Variants in KCNQ1 observed in about 807,000 individuals in gnomAD.
The protein encoded by KCNQ1 is potassium voltage-gated channel subfamily Q member 1.
Under a neutral mutation model 72.4 loss-of-function variants are expected in KCNQ1, and 49 were observed. That is an observed-to-expected ratio of 0.68 (90% CI 0.54 to 0.86). The LOEUF is 0.86. Among genes scored for constraint, KCNQ1 ranks in the 40% least tolerant of loss-of-function variants. KCNQ1 has a pLI of 0.00. For synonymous variants in KCNQ1, 450 were observed against 412.6 expected (o/e 1.09, Z -1.10); for missense variants, 790 against 945.1 (o/e 0.84, Z 2.15).
rs146145038 is a variant in KCNQ1 at position 2,543,231 on chromosome 11, A to G, written c.477+15213A>G. On this transcript the variant is annotated intron_variant, in intron 2 of 15. Coordinates refer to ENST00000155840, the MANE Select transcript of KCNQ1 (RefSeq NM_000218.3). The surrounding 1 kb of genome is among the most constrained non-coding windows in gnomAD (Gnocchi z 5.6). ...GGTTACATAGATATTTGTTTTACAC[A>G]TGTATTCTCTAGTCGGTGGCTTTCC... Among the ~76,000 whole-genome samples, 197 of 152,094 alleles carry G rather than the reference A, an allele frequency of 1.3e-3. 1 individual carries two copies. In the East Asian group the frequency reaches 0.031, roughly 24 times the overall value.
At chr11:2,532,655 C>T (rs1847660573) in intron 2 of KCNQ1, among the ~76,000 whole-genome samples, 1 of 152,116 alleles carries the variant, frequency 6.6e-6, no homozygotes, top group Non-Finnish European at 1.5e-5. Flanking sequence ...GTGGGAGGGG[C>T]ACAGTGAGAA....
At chr11:2,591,361 A>T (rs1848667990) in intron 10 of KCNQ1, among the ~76,000 whole-genome samples, 1 of 152,186 alleles carries the variant, frequency 6.6e-6, no homozygotes, top group African/African-American at 2.4e-5. Context: ...GCTCCCCAGG[A>T]CTTAGATGCC....
intron 2 of KCNQ1, among the ~76,000 whole-genome samples, chr11:2,532,278 G>A (rs111384531): frequency 1.2e-3 from 182 of 152,318 alleles, no homozygotes; most frequent in African/African-American, 4.1e-3. Context: ...CTTCCTGGCC[G>A]TGCATGTCCC....
In KCNQ1 at chr11:2,468,098, C is replaced by T. The variant is rs902326343; in HGVS notation, c.386+22614C>T. Among the ~76,000 whole-genome samples, 1 of 152,270 alleles carries T rather than the reference C, an allele frequency of 6.6e-6. No individual in the cohort carries two copies. Among genetic ancestry groups the T allele is most frequent in the South Asian group, 2.1e-4 (1 of 4,834 alleles). On this transcript the variant is annotated intron_variant, in intron 1 of 15. Coordinates refer to ENST00000155840, the MANE Select transcript of KCNQ1 (RefSeq NM_000218.3). This position sits in a 1 kb window ranked among gnomAD's most constrained non-coding sequence, Gnocchi z 5.7. ...AGACTGTGCCCGGAAAATGCACTGT[C>T]TCTCCTGGGCTCCCAACCTTTCACA...
chr11:2,676,184 T>C lies in KCNQ1; in HGVS notation c.1514+14103T>C, dbSNP rs1850291035. 1.8e-5 allele frequency: 7 copies of C among 398,562 alleles called. 1 individual carries two copies. Among genetic ancestry groups the C allele is most frequent in the South Asian group, 1.3e-4 (1 of 7,866 alleles). The allele number at this position is 398,562 out of a possible 1,614,324, so 24.7% of individuals were successfully genotyped here. A position where few individuals can be genotyped will look rare whatever the true frequency, so the allele number is the denominator to read the frequency against. ...TACACTTTGCCTTTGACTTCTTCCA[T>C]AGGTATGCCATACTTCTTTTTGAGC... On this transcript the variant is annotated intron_variant, in intron 11 of 15. Coordinates refer to ENST00000155840, the MANE Select transcript of KCNQ1 (RefSeq NM_000218.3). The surrounding 1 kb of genome is among the most constrained non-coding windows in gnomAD (Gnocchi z 4.2).
chr11:2,730,181 G>A (rs891946636), intron 11 of KCNQ1, among the ~76,000 whole-genome samples: 2 of 152,240 alleles, frequency 1.3e-5, no homozygotes, highest in African/African-American at 4.8e-5. Flanking sequence ...CCAGGAGGGA[G>A]GCCACTGCAC....
chr11:2,730,084 C>T (rs995510403), intron 11 of KCNQ1, among the ~76,000 whole-genome samples: 8 of 151,992 alleles, frequency 5.3e-5, no homozygotes, highest in African/African-American at 1.7e-4. Flanking sequence ...GCCCCGAGTG[C>T]GGTGTGGTTG....
rs954543125 is a variant in KCNQ1 at position 2,602,514 on chromosome 11, G to T, written c.1393+13660G>T. On this transcript the variant is annotated intron_variant, in intron 10 of 15. Transcript: ENST00000155840. This position sits in a 1 kb window ranked among gnomAD's most constrained non-coding sequence, Gnocchi z 4.8. ...ACCAAACTGATTTTCCAGAGTGACT[G>T]CACCATTTCACATTCCCCATTCCTG... Among the ~76,000 whole-genome samples the T allele has an allele frequency of 6.6e-6, 1 of 152,216 alleles. No individual in the cohort carries two copies.
chr11:2,761,615 T>G (rs1369161804), intron 11 of KCNQ1, among the ~76,000 whole-genome samples: 1 of 152,198 alleles, frequency 6.6e-6, no homozygotes, highest in African/African-American at 2.4e-5. Flanking sequence ...GAAAGGCCAC[T>G]TGGCCCCATC....
At position 2,647,947 on chromosome 11, in the gene KCNQ1, C is replaced by T. The variant is rs1849691498; in HGVS notation, c.1394-14014C>T. On this transcript the variant is annotated intron_variant, in intron 10 of 15. Coordinates refer to ENST00000155840, the MANE Select transcript of KCNQ1 (RefSeq NM_000218.3). This position sits in a 1 kb window ranked among gnomAD's most constrained non-coding sequence, Gnocchi z 4.0. ...TCAGTTTTTTGGCTGGGTTTGTTGG[C>T]TCACACCTGTAAACCCAGTACTTTG... 7 of 397,946 alleles carry T rather than the reference C, an allele frequency of 1.8e-5. No individual in the cohort carries two copies. The highest frequency in any genetic ancestry group is 1.3e-4 in the South Asian group (1 of 7,752). 24.7% of individuals were successfully genotyped at this position (397,946 alleles called of 1,614,324 possible).
intron 6 of KCNQ1, among the ~76,000 whole-genome samples, chr11:2,575,296 C>T (rs1399978859): frequency 2.6e-5 from 4 of 152,182 alleles, no homozygotes; most frequent in Admixed American, 1.3e-4. Flanking sequence ...AGCTGCAGCC[C>T]GAGCCTCGGC....
At chr11:2,792,337 A>G (rs1452025146) in intron 15 of KCNQ1, among the ~76,000 whole-genome samples, 2 of 152,230 alleles carry the variant, frequency 1.3e-5, no homozygotes, top group Non-Finnish European at 1.5e-5. Flanking sequence ...CAGTGTGTGG[A>G]CCAGGCAGGA....
rs1023654199 is a variant in KCNQ1 at position 2,479,447 on chromosome 11, C to G, written c.386+33963C>G. 4.6e-5 allele frequency among the ~76,000 whole-genome samples: 7 copies of G among 152,264 alleles called. No individual in the cohort carries two copies. Among genetic ancestry groups the G allele is most frequent in the Non-Finnish European group, 5.9e-5 (4 of 68,050 alleles). ...TCAATTCTTGACTTCTGTGCACCCACAGGCTCAACACCACATGGAAGCTAC... is the reference window on the plus strand; with the variant it reads ...TCAATTCTTGACTTCTGTGCACCCAGAGGCTCAACACCACATGGAAGCTAC... On this transcript the variant is annotated intron_variant, in intron 1 of 15. Transcript: ENST00000155840. The surrounding 1 kb of genome is among the most constrained non-coding windows in gnomAD (Gnocchi z 4.6).
At chr11:2,503,656 A>G (rs537275636) in intron 1 of KCNQ1, among the ~76,000 whole-genome samples, 2 of 152,250 alleles carry the variant, frequency 1.3e-5, no homozygotes, top group Non-Finnish European at 1.5e-5. Context: ...AAACCTGCAC[A>G]TTGTGCACAT....
In KCNQ1 at chr11:2,670,939, A is replaced by G. The variant is rs1850172157; in HGVS notation, c.1514+8858A>G. 1.8e-5 allele frequency: 7 copies of G among 398,554 alleles called. No individual in the cohort carries two copies. Among genetic ancestry groups the G allele is most frequent in the Non-Finnish European group, 3.1e-5 (7 of 226,110 alleles). The allele number at this position is 398,554 out of a possible 1,614,324, so 24.7% of individuals were successfully genotyped here. On this transcript the variant is annotated intron_variant, in intron 11 of 15. Coordinates refer to ENST00000155840, the MANE Select transcript of KCNQ1 (RefSeq NM_000218.3). This position sits in a 1 kb window ranked among gnomAD's most constrained non-coding sequence, Gnocchi z 4.9. ...TCCCAGGATGCAAATTGGCAGGCCCAGCTTCATGCCTTCTTATGGTGCCCC... is the reference window on the plus strand; with the variant it reads ...TCCCAGGATGCAAATTGGCAGGCCCGGCTTCATGCCTTCTTATGGTGCCCC...
chr11:2,822,986 G>C (rs163182), intron 15 of KCNQ1, among the ~76,000 whole-genome samples: 64,445 of 151,718 alleles, frequency 0.42, 14,283 homozygotes, highest in South Asian at 0.47. Flanking sequence ...AATGAAGACT[G>C]AAAGACAGAA....
intron 10 of KCNQ1, chr11:2,622,601 T>C: frequency 5.0e-6 from 2 of 398,596 alleles, no homozygotes; most frequent in Non-Finnish European, 8.8e-6. Context: ...TTGCCTTACA[T>C]TTTTTAAATA....
chr11:2,554,410 C>T (rs1187672325), intron 2 of KCNQ1, among the ~76,000 whole-genome samples: 1 of 152,202 alleles, frequency 6.6e-6, no homozygotes, highest in Non-Finnish European at 1.5e-5. Context: ...GCAGAAGCCC[C>T]AGCCCAAATT....
chr11:2,577,215 C>T lies in KCNQ1; in HGVS notation c.921+4229C>T, dbSNP rs1018948490. Reference sequence around the variant, plus strand: ...TGTGTGCCAGGCACCGGCAGGGGTTCGGGCAGCCCTGTCTTGCTCTCTCTG... The same window carrying T: ...TGTGTGCCAGGCACCGGCAGGGGTTTGGGCAGCCCTGTCTTGCTCTCTCTG... On this transcript the variant is annotated intron_variant, in intron 6 of 15. Transcript: ENST00000155840. Among the ~76,000 whole-genome samples the T allele has an allele frequency of 4.1e-4, 63 of 152,196 alleles. 1 individual carries two copies. The highest frequency in any genetic ancestry group is 1.8e-4 in the Non-Finnish European group (12 of 68,032).
Sources: allele counts gnomAD v4.1 joint callset (sites outside exome capture counted in the v4.1 genomes callset), GRCh38; gene constraint gnomAD v4.1.1; non-coding constraint Gnocchi (gnomAD v3.1); transcripts MANE v1.5; gene names NCBI Gene and HGNC (gene_info 2026-07-23, HGNC 2026-07-21).